LARGE1: variants seen among roughly 807,000 people sequenced by gnomAD.
LARGE1 encodes xylosyl- and glucuronyltransferase LARGE1.
In LARGE1, 43 loss-of-function variants were observed where a neutral mutation model predicts 87.6. That is an observed-to-expected ratio of 0.49 (90% CI 0.38 to 0.63). The LOEUF (loss-of-function observed/expected upper bound fraction) is 0.63. Among genes scored for constraint, LARGE1 ranks in the 30% least tolerant of loss-of-function variants. The probability of loss-of-function intolerance (pLI) is 0.00; values close to 1 mark genes in which losing one functional copy is unlikely to be tolerated. For synonymous variants in LARGE1, 434 were observed against 394.6 expected (o/e 1.10, Z -1.18); for missense variants, 802 against 1,000.2 (o/e 0.80, Z 2.67).
chr22:33,338,304 C>T lies in LARGE1; in HGVS notation c.1132-503G>A, dbSNP rs148524450. ...CATTTTTTCAGCCCAGCAGTGGCAC[C>T]TCCTTCCTTTAGCAGCAGCTACATC... On this transcript the variant is annotated intron_variant, in intron 9 of 14. Transcript: ENST00000397394. 3.2e-4 allele frequency among the ~76,000 whole-genome samples: 48 copies of T among 152,246 alleles called. No homozygotes were observed. In the East Asian group the frequency reaches 8.3e-3, roughly 26 times the overall value.
chr22:33,764,385 G>A (rs539904922), intron 1 of LARGE1, among the ~76,000 whole-genome samples: 9 of 152,202 alleles, frequency 5.9e-5, no homozygotes, highest in African/African-American at 2.2e-4. Context: ...TCATACAAAT[G>A]GGCATAGTAT....
At chr22:33,505,651 C>T (rs2070725483) in intron 6 of LARGE1, among the ~76,000 whole-genome samples, 1 of 152,142 alleles carries the variant, frequency 6.6e-6, no homozygotes. Context: ...TCTTTGTAGA[C>T]ACAACAAGCT....
chr22:33,835,759 T>C (rs974473352), intron 1 of LARGE1, among the ~76,000 whole-genome samples: 3 of 152,218 alleles, frequency 2.0e-5, no homozygotes, highest in Admixed American at 6.5e-5. Flanking sequence ...GGCATACGGT[T>C]AAAGCAGTCC....
chr22:33,829,038 T>A (rs1256601901), intron 1 of LARGE1, among the ~76,000 whole-genome samples: 1 of 141,774 alleles, frequency 7.1e-6, no homozygotes, highest in Non-Finnish European at 1.5e-5. Context: ...TGAGAGAGTC[T>A]TGCTCTGTTG....
chr22:33,406,130 C>G (rs1321813081), intron 7 of LARGE1, among the ~76,000 whole-genome samples: 1 of 152,178 alleles, frequency 6.6e-6, no homozygotes, highest in East Asian at 1.9e-4. Context: ...GATACATTCT[C>G]ATTAGGTCTC....
At chr22:33,810,052 C>A (rs1018786) in intron 1 of LARGE1, among the ~76,000 whole-genome samples, 110,114 of 151,572 alleles carry the variant, frequency 0.73, 40,361 homozygotes, top group East Asian at 0.87. Context: ...CAGTAGTCTG[C>A]ATGCAACAGA....
chr22:33,797,454 A>C (rs1357844522), intron 1 of LARGE1, among the ~76,000 whole-genome samples: 1 of 152,214 alleles, frequency 6.6e-6, no homozygotes, highest in Non-Finnish European at 1.5e-5. Context: ...GTTAACCTAC[A>C]CAACCAGTAC....
chr22:33,866,790 A>T (rs541390064), intron 1 of LARGE1, among the ~76,000 whole-genome samples: 1 of 152,236 alleles, frequency 6.6e-6, no homozygotes, highest in South Asian at 2.1e-4. Context: ...AGGCCCAAAC[A>T]TAGCAGACAC....
intron 2 of LARGE1, chr22:33,750,831 C>A (rs972096217): frequency 7.2e-5 from 11 of 152,074 alleles, no homozygotes; most frequent in Admixed American, 5.9e-4. Context: ...GTGCTGTGAT[C>A]CACTCTCATA....
chr22:33,096,024 C>T, the LARGE1 span, among the ~76,000 whole-genome samples: 3 of 152,146 alleles, frequency 2.0e-5, no homozygotes, highest in Non-Finnish European at 4.4e-5. Context: ...TTACTTCCTG[C>T]GTCTAGGCAT....
the LARGE1 span, among the ~76,000 whole-genome samples, chr22:33,148,220 T>C: frequency 6.6e-6 from 1 of 152,176 alleles, no homozygotes; most frequent in African/African-American, 2.4e-5. Flanking sequence ...AAACTTCTGT[T>C]CTCTATAAAT....
rs534736259 is a variant in LARGE1, at chr22:33,786,561, C to A, written c.-82-25003G>T. Among the ~76,000 whole-genome samples the A allele has an allele frequency of 2.0e-5, 3 of 152,272 alleles. No individual in the cohort carries two copies. The East Asian group carries it at 5.8e-4, about 29-fold the overall frequency. ...AGGAGGTTGGGGACCTCTCTCTCTC[C>A]CTACTCCCTCCAGAGGGTCTCCGAG... On this transcript the variant is annotated intron_variant, in intron 1 of 14. Transcript: ENST00000397394.
At chr22:33,092,654 T>A in the LARGE1 span, among the ~76,000 whole-genome samples, 2 of 149,544 alleles carry the variant, frequency 1.3e-5, no homozygotes, top group Non-Finnish European at 3.0e-5. Flanking sequence ...CCCCAGTATG[T>A]GTTGTTCCCC....
At chr22:33,394,055 A>G (rs1395191404) in intron 7 of LARGE1, among the ~76,000 whole-genome samples, 2 of 146,782 alleles carry the variant, frequency 1.4e-5, no homozygotes, top group Non-Finnish European at 3.0e-5. Flanking sequence ...TATGAGCTAG[A>G]CATTATTTTT....
At chr22:33,773,071 G>A (rs887676892) in intron 1 of LARGE1, among the ~76,000 whole-genome samples, 6 of 152,144 alleles carry the variant, frequency 3.9e-5, no homozygotes, top group Non-Finnish European at 1.5e-5. Context: ...GTGCACGTGA[G>A]GTCATTTGCA....
chr22:33,158,407 C>A (rs1921930203), downstream of LARGE1, among the ~76,000 whole-genome samples: 1 of 152,128 alleles, frequency 6.6e-6, no homozygotes, highest in South Asian at 2.1e-4. Flanking sequence ...TCAATTGACA[C>A]AACTTCACTC....
chr22:33,136,746 A>C, the LARGE1 span, among the ~76,000 whole-genome samples: 13 of 152,182 alleles, frequency 8.5e-5, no homozygotes, highest in African/African-American at 3.1e-4. Flanking sequence ...ATTTAGGTCC[A>C]GAAATAGCCA....
At chr22:33,660,091 T>TG (rs1555987502) in intron 2 of LARGE1, among the ~76,000 whole-genome samples, 10,522 of 41,252 alleles carry the variant, frequency 0.26, 1,306 homozygotes, top group African/African-American at 0.43. Context: ...TGTGTGTGTG[T>TG]TTTTTTTTTT....
chr22:33,753,228 G>C (rs895135707), intron 2 of LARGE1, among the ~76,000 whole-genome samples: 1 of 151,484 alleles, frequency 6.6e-6, no homozygotes, highest in African/African-American at 2.4e-5. Context: ...CAAAAAAATA[G>C]TAATAATAAT....
Sources: allele counts gnomAD v4.1 joint callset (sites outside exome capture counted in the v4.1 genomes callset), GRCh38; gene constraint gnomAD v4.1.1; transcripts MANE v1.5; gene names NCBI Gene and HGNC (gene_info 2026-07-23, HGNC 2026-07-21).